Variants in GAS2 observed in about 807,000 individuals in gnomAD.
The protein encoded by GAS2 is growth arrest specific 2, also known as growth arrest-specific protein 2.
GAS2 carries 20 observed loss-of-function variants against 37.5 expected under a neutral mutation model. That is an observed-to-expected ratio of 0.53 (90% CI 0.37 to 0.77). The LOEUF (loss-of-function observed/expected upper bound fraction) is 0.77. GAS2 is among the 30% of genes least tolerant of loss of function. GAS2 has a pLI of 0.00. For missense variants in GAS2, 336 were observed against 373.4 expected, an observed-to-expected ratio of 0.90 and a Z score of 0.82; for synonymous variants, 144 against 132.2, an observed-to-expected ratio of 1.09 and a Z score of -0.61.
chr11:22,686,442 A>G (rs1474360896), intron 3 of GAS2, among the ~76,000 whole-genome samples: 1 of 151,474 alleles, frequency 6.6e-6, no homozygotes, highest in African/African-American at 2.4e-5. Context: ...TTGGCCAGGC[A>G]TGGTGGCTCA....
At chr11:22,798,236 CACA>C (rs1465106102) in intron 7 of GAS2, among the ~76,000 whole-genome samples, 4 of 151,960 alleles carry the variant, frequency 2.6e-5, no homozygotes, top group Non-Finnish European at 5.9e-5. Context: ...GCAGCAGCAG[CACA>C]ACATTATTAT....
chr11:22,683,360 G>A (rs1849788391), intron 2 of GAS2, among the ~76,000 whole-genome samples: 1 of 152,084 alleles, frequency 6.6e-6, no homozygotes, highest in African/African-American at 2.4e-5. Context: ...CCGCCTCCCA[G>A]GTTCAAGCCA....
chr11:22,646,322 C>A (rs1282405814), intron 1 of GAS2, among the ~76,000 whole-genome samples: 1 of 152,114 alleles, frequency 6.6e-6, no homozygotes. Flanking sequence ...TTAATTTTAG[C>A]AAAATGACTT....
At chr11:22,784,311 G>T (rs1309157231) in intron 7 of GAS2, among the ~76,000 whole-genome samples, 1 of 152,058 alleles carries the variant, frequency 6.6e-6, no homozygotes, top group African/African-American at 2.4e-5. Context: ...ATCATTTAAG[G>T]GTTCTGTGTC....
chr11:22,791,252 G>A (rs1207381091), intron 7 of GAS2, among the ~76,000 whole-genome samples: 2 of 152,118 alleles, frequency 1.3e-5, no homozygotes, highest in African/African-American at 2.4e-5. Context: ...GAGGGGATGG[G>A]GGTGTCTCTA....
At chr11:22,694,307 G>C (rs7128931) in intron 3 of GAS2, among the ~76,000 whole-genome samples, 116,691 of 152,046 alleles carry the variant, frequency 0.77, 45,450 homozygotes, top group Admixed American at 0.84. Context: ...TATTCTGTCC[G>C]CCATATCCAC....
chr11:22,688,424 A>G (rs867109818), intron 3 of GAS2: 1 of 152,152 alleles, frequency 6.6e-6, no homozygotes, highest in Non-Finnish European at 1.5e-5. Context: ...GGGCCTGGTT[A>G]GGCCTTGGAA....
chr11:22,768,838 A>G (rs374770840), intron 7 of GAS2, among the ~76,000 whole-genome samples: 122 of 152,340 alleles, frequency 8.0e-4, no homozygotes, highest in African/African-American at 2.9e-3. Flanking sequence ...GGCAGATAAA[A>G]GGCAGGCCTG....
chr11:22,652,577 C>T (rs1010741363), intron 1 of GAS2, among the ~76,000 whole-genome samples: 5 of 152,188 alleles, frequency 3.3e-5, no homozygotes, highest in Non-Finnish European at 5.9e-5. Context: ...AGCGAGACTC[C>T]GTGGGCGTAG....
rs140348632 is a variant in GAS2, at chr11:22,708,331, C to T, written c.268-17961C>T. Among the ~76,000 whole-genome samples, 955 of 152,164 alleles carry T rather than the reference C, an allele frequency of 6.3e-3. 14 individuals carry two copies. Among genetic ancestry groups the T allele is most frequent in the African/African-American group, 0.021 (864 of 41,526 alleles). On this transcript the variant is annotated intron_variant, in intron 3 of 7. Coordinates refer to ENST00000454584, the MANE Select transcript of GAS2 (RefSeq NM_001143830.3). Reference sequence around the variant, plus strand: ...AATCCCCAAATTTTCATTGGCACCCCGGACTAAATTTTATTTAAATTAGTT... The same window carrying T: ...AATCCCCAAATTTTCATTGGCACCCTGGACTAAATTTTATTTAAATTAGTT...
intron 2 of GAS2, among the ~76,000 whole-genome samples, chr11:22,675,675 G>A (rs193183884): frequency 0.012 from 1,020 of 88,694 alleles, 13 homozygotes; most frequent in Non-Finnish European, 0.022. Context: ...ATGTTTAAAG[G>A]ATCATCATAT....
At chr11:22,759,733 A>T (rs997374287) in intron 7 of GAS2, among the ~76,000 whole-genome samples, 6 of 152,226 alleles carry the variant, frequency 3.9e-5, no homozygotes, top group African/African-American at 1.4e-4. Context: ...GATTATTCCC[A>T]TTCAACCATA....
intron 3 of GAS2, among the ~76,000 whole-genome samples, chr11:22,699,968 A>G (rs1030184771): frequency 6.6e-6 from 1 of 152,178 alleles, no homozygotes; most frequent in Admixed American, 6.6e-5. Flanking sequence ...GAAAATTAAT[A>G]TGCTCTTACC....
chr11:22,739,345 C>T (rs909517496), intron 5 of GAS2, among the ~76,000 whole-genome samples: 1 of 151,716 alleles, frequency 6.6e-6, no homozygotes, highest in Non-Finnish European at 1.5e-5. Context: ...GAGGCCGAGG[C>T]GGGTGGATCA....
intron 7 of GAS2, among the ~76,000 whole-genome samples, chr11:22,802,173 T>C (rs1454364086): frequency 6.6e-6 from 1 of 151,980 alleles, no homozygotes; most frequent in African/African-American, 2.4e-5. Flanking sequence ...GCTGAGATAA[T>C]TTCCAACCAT....
intron 1 of GAS2, among the ~76,000 whole-genome samples, chr11:22,641,123 G>A (rs753857963): frequency 1.3e-5 from 2 of 150,048 alleles, no homozygotes; most frequent in South Asian, 2.1e-4. Context: ...GCAAGCAGTC[G>A]GAAGGACTGG....
In GAS2 at chr11:22,811,994, A is replaced by G. The variant is rs1262318077; in HGVS notation, c.920A>G (p.Lys307Arg). ...TACTTGGTGGTCTCTGCCAGTTATA[A>G]GGCTAAGAAGGAAATTAAGTGAAAC... Reference protein sequence around the residue: ...DNYLVVSASYKAKKEIK With the variant: ...DNYLVVSASYRAKKEIK The change falls in exon 8 of 8, where the codon AAG (lysine) becomes AGG (arginine). Residue 307 changes from lysine (K) to arginine (R), a missense_variant. By Grantham distance (26) the Lys-to-Arg change is conservative (BLOSUM62 2). Coordinates refer to ENST00000454584, the MANE Select transcript of GAS2 (RefSeq NM_001143830.3). The G allele has an allele frequency of 1.2e-6, 2 of 1,614,030 alleles. No individual in the cohort carries two copies. Among genetic ancestry groups the G allele is most frequent in the Non-Finnish European group, 1.7e-6 (2 of 1,179,908 alleles).
intron 7 of GAS2, among the ~76,000 whole-genome samples, chr11:22,798,667 C>G (rs542493722): frequency 6.6e-6 from 1 of 151,998 alleles, no homozygotes; most frequent in Non-Finnish European, 1.5e-5. Flanking sequence ...TGTAATCGCA[C>G]GTAACTAGAG....
At chr11:22,642,961 C>T (rs79855982) in intron 1 of GAS2, among the ~76,000 whole-genome samples, 2,217 of 152,232 alleles carry the variant, frequency 0.015, 51 homozygotes, top group African/African-American at 0.051. Context: ...GAGACTTTCA[C>T]GACTTCTTAT....
Sources: allele counts gnomAD v4.1 joint callset (sites outside exome capture counted in the v4.1 genomes callset), GRCh38; gene constraint gnomAD v4.1.1; transcripts MANE v1.5; gene names NCBI Gene and HGNC (gene_info 2026-07-23, HGNC 2026-07-21).